The following THSD4 variants were observed in gnomAD, a reference collection of about 807,000 sequenced individuals.
The protein encoded by THSD4 is thrombospondin type-1 domain-containing protein 4.
THSD4 carries 69 observed loss-of-function variants against 119.0 expected under a neutral mutation model. The ratio of observed to expected loss-of-function variants is 0.58; its 90% CI spans 0.48 to 0.71. The LOEUF is 0.71. Ranked by LOEUF, THSD4 falls within the 30% of genes least tolerant of loss-of-function variation. The pLI, the probability that THSD4 is intolerant of heterozygous loss-of-function variation, is 0.00. For missense variants in THSD4, 1,393 were observed against 1,391.1 expected, an observed-to-expected ratio of 1.00 and a Z score of -0.02; for synonymous variants, 524 against 540.4, an observed-to-expected ratio of 0.97 and a Z score of 0.42.
intron 7 of THSD4, among the ~76,000 whole-genome samples, chr15:71,485,505 T>C (rs1379021263): frequency 2.0e-5 from 3 of 152,212 alleles, no homozygotes; most frequent in Non-Finnish European, 4.4e-5. Context: ...CTTTGAAATG[T>C]TTTGAGATCA....
intron 7 of THSD4, among the ~76,000 whole-genome samples, chr15:71,658,862 T>C (rs1020787571): frequency 6.6e-6 from 1 of 152,176 alleles, no homozygotes; most frequent in Non-Finnish European, 1.5e-5. Context: ...TCATTATTGA[T>C]GGGTCAATGT....
At chr15:71,503,069 CAGTT>C (rs5813639) in intron 7 of THSD4, among the ~76,000 whole-genome samples, 54,789 of 151,716 alleles carry the variant, frequency 0.36, 11,204 homozygotes, top group African/African-American at 0.57. Flanking sequence ...GAGAAGCACT[CAGTT>C]AGGTTCCTGT....
intron 3 of THSD4, among the ~76,000 whole-genome samples, chr15:71,194,169 A>C (rs981925163): frequency 1.3e-5 from 2 of 152,052 alleles, no homozygotes; most frequent in Non-Finnish European, 2.9e-5. Flanking sequence ...TTTCTTCATA[A>C]ATTCCCAGTC....
chr15:71,424,615 G>A (rs2046846578), intron 7 of THSD4, among the ~76,000 whole-genome samples: 1 of 152,100 alleles, frequency 6.6e-6, no homozygotes, highest in Admixed American at 6.5e-5. Context: ...AGAGGTCTCA[G>A]AGACACTCTG....
intron 6 of THSD4, among the ~76,000 whole-genome samples, chr15:71,291,872 C>T (rs147819741): frequency 9.0e-4 from 137 of 152,274 alleles, no homozygotes; most frequent in African/African-American, 3.2e-3. Flanking sequence ...CACCCTCCTA[C>T]TCCAGTCTGG....
At chr15:71,429,247 A>G (rs1273474913) in intron 7 of THSD4, among the ~76,000 whole-genome samples, 1 of 152,208 alleles carries the variant, frequency 6.6e-6, no homozygotes. Context: ...TCCATAGAGG[A>G]AAGAGATGGG....
chr15:71,723,979 C>A (rs1018529140), intron 8 of THSD4, among the ~76,000 whole-genome samples: 5 of 150,942 alleles, frequency 3.3e-5, no homozygotes, highest in Admixed American at 6.6e-5. Flanking sequence ...TTGCTTGAGC[C>A]TGGGAGGAGG....
At chr15:71,527,303 A>G (rs1273385180) in intron 7 of THSD4, among the ~76,000 whole-genome samples, 1 of 152,218 alleles carries the variant, frequency 6.6e-6, no homozygotes, top group Admixed American at 6.5e-5. Flanking sequence ...TTGATGTAAC[A>G]GAAAACTGAC....
At chr15:71,257,225 T>C (rs146299257) in intron 6 of THSD4, among the ~76,000 whole-genome samples, 25 of 152,318 alleles carry the variant, frequency 1.6e-4, no homozygotes, top group Admixed American at 3.3e-4. Context: ...CATTTCCAGA[T>C]GACAGAAGAT....
At chr15:71,717,692 T>G (rs958128830) in intron 8 of THSD4, among the ~76,000 whole-genome samples, 20 of 151,792 alleles carry the variant, frequency 1.3e-4, no homozygotes, top group African/African-American at 4.4e-4. Context: ...AAGCAGGAGC[T>G]AGCAGCACGG....
intron 6 of THSD4, among the ~76,000 whole-genome samples, chr15:71,366,264 C>T (rs1022016454): frequency 6.6e-6 from 1 of 152,158 alleles, no homozygotes; most frequent in African/African-American, 2.4e-5. Flanking sequence ...TTAGTACAGA[C>T]GGGGTTTCAC....
At chr15:71,405,657 G>A (rs543872763) in intron 6 of THSD4, among the ~76,000 whole-genome samples, 7 of 152,158 alleles carry the variant, frequency 4.6e-5, no homozygotes, top group East Asian at 3.9e-4. Context: ...TTGCATTTTT[G>A]TGTGAATTTT....
chr15:71,713,079 A>T (rs1299694632), intron 8 of THSD4, among the ~76,000 whole-genome samples: 1 of 152,264 alleles, frequency 6.6e-6, no homozygotes, highest in Non-Finnish European at 1.5e-5. Flanking sequence ...AGGCTCCTCA[A>T]GCCAAGGAAA....
chr15:71,399,501 G>A (rs2046496242), intron 6 of THSD4, among the ~76,000 whole-genome samples: 1 of 152,168 alleles, frequency 6.6e-6, no homozygotes, highest in Non-Finnish European at 1.5e-5. Context: ...GCCTCCTGAT[G>A]GCTGCAGTCT....
At chr15:71,122,224 A>C (rs770686718) in intron 1 of THSD4, among the ~76,000 whole-genome samples, 2 of 152,174 alleles carry the variant, frequency 1.3e-5, no homozygotes, top group Non-Finnish European at 2.9e-5. Flanking sequence ...GCTCCGTGTC[A>C]GGTACTGGGA....
chr15:71,395,431 A>G (rs1031283492), intron 6 of THSD4, among the ~76,000 whole-genome samples: 1 of 152,054 alleles, frequency 6.6e-6, no homozygotes, highest in Non-Finnish European at 1.5e-5. Context: ...ATTCTCACTC[A>G]TTGGTTTCTG....
chr15:71,131,595 T>C (rs2040504922), intron 1 of THSD4, among the ~76,000 whole-genome samples: 1 of 152,232 alleles, frequency 6.6e-6, no homozygotes, highest in South Asian at 2.1e-4. Flanking sequence ...ATTCCAACTT[T>C]ACCAATAATC....
intron 6 of THSD4, among the ~76,000 whole-genome samples, chr15:71,383,997 T>C (rs2046261364): frequency 6.6e-6 from 1 of 151,782 alleles, no homozygotes; most frequent in South Asian, 2.1e-4. Context: ...ACCAATTTAG[T>C]TCAATAGGTG....
chr15:71,339,222 C>G (rs1178292577), intron 6 of THSD4, among the ~76,000 whole-genome samples: 2 of 152,074 alleles, frequency 1.3e-5, no homozygotes, highest in Admixed American at 6.5e-5. Flanking sequence ...TTTCAGTGTT[C>G]TATGCTGAGT....
Sources: gnomAD v4.1 joint callset for allele counts (sites outside exome capture counted in the v4.1 genomes callset) on GRCh38, gnomAD v4.1.1 for gene constraint, MANE v1.5 for transcripts, NCBI Gene and HGNC (gene_info 2026-07-23, HGNC 2026-07-21) for gene names.